Variants in PACRG observed in about 807,000 individuals in gnomAD.
PACRG encodes parkin coregulated.
In PACRG, 29 loss-of-function variants were observed where a neutral mutation model predicts 29.7. That is an observed-to-expected ratio of 0.98 (90% CI 0.73 to 1.33). The LOEUF (loss-of-function observed/expected upper bound fraction) is 1.33. Among genes scored for constraint, PACRG ranks in the 40% most tolerant of loss-of-function variants. The pLI, the probability that PACRG is intolerant of heterozygous loss-of-function variation, is 0.00. For synonymous variants in PACRG, 116 were observed against 118.7 expected, an observed-to-expected ratio of 0.98 and a Z score of 0.15; for missense variants, 279 against 316.2, an observed-to-expected ratio of 0.88 and a Z score of 0.89.
chr6:163,143,863 G>C (rs1164337130), intron 4 of PACRG, among the ~76,000 whole-genome samples: 2 of 152,108 alleles, frequency 1.3e-5, no homozygotes, highest in East Asian at 3.9e-4. Context: ...CCAAGAGGTC[G>C]GTGTGGGAAC....
rs1402277548 is a variant in PACRG at position 162,807,911 on chromosome 6, TCTGA to T, written c.157-6233_157-6230del. Among the ~76,000 whole-genome samples the T allele has an allele frequency of 3.3e-5, 5 of 152,256 alleles. No homozygotes were observed. The East Asian group carries it at 7.7e-4, about 23-fold the overall frequency. ...CGTAACAAATAAGACTCATATCTTTTCTGACTATCATGATCATAATATATTGTTA... is the reference window on the plus strand; with the variant it reads ...CGTAACAAATAAGACTCATATCTTTTCTATCATGATCATAATATATTGTTA... On this transcript the variant is annotated intron_variant, in intron 1 of 4. Coordinates refer to ENST00000366888, the MANE Select transcript of PACRG (RefSeq NM_001080379.2).
chr6:163,280,326 G>C (rs1043954248), intron 4 of PACRG, among the ~76,000 whole-genome samples: 2 of 152,184 alleles, frequency 1.3e-5, no homozygotes, highest in African/African-American at 4.8e-5. Context: ...TGTGGCTCTT[G>C]AGCTGGCCCC....
chr6:163,018,185 A>T (rs1036534520), intron 2 of PACRG, among the ~76,000 whole-genome samples: 9 of 152,136 alleles, frequency 5.9e-5, no homozygotes, highest in Non-Finnish European at 1.2e-4. Context: ...GCATAATGCG[A>T]TCAGCAAACA....
chr6:163,032,221 CA>C (rs1478905055), intron 2 of PACRG, among the ~76,000 whole-genome samples: 24 of 152,174 alleles, frequency 1.6e-4, no homozygotes, highest in African/African-American at 5.8e-4. Flanking sequence ...AACAAAGGAT[CA>C]GCAGCATTTT....
At chr6:163,161,810 A>G (rs933980193) in intron 4 of PACRG, among the ~76,000 whole-genome samples, 3 of 152,188 alleles carry the variant, frequency 2.0e-5, no homozygotes, top group South Asian at 2.1e-4. Flanking sequence ...CCAGCACCCA[A>G]TAGCATTACT....
chr6:162,797,436 A>G (rs188707348), intron 1 of PACRG, among the ~76,000 whole-genome samples: 180 of 152,342 alleles, frequency 1.2e-3, no homozygotes, highest in Non-Finnish European at 1.9e-3. Flanking sequence ...ATTGAACTGG[A>G]AACACGAAGT....
chr6:162,949,814 C>A (rs73607806), intron 2 of PACRG, among the ~76,000 whole-genome samples: 2,075 of 152,194 alleles, frequency 0.014, 49 homozygotes, highest in African/African-American at 0.048. Context: ...CTGAAGAGGG[C>A]TGAACTGGCA....
chr6:163,238,767 A>G (rs967883517), intron 4 of PACRG, among the ~76,000 whole-genome samples: 8 of 152,226 alleles, frequency 5.3e-5, no homozygotes, highest in African/African-American at 1.9e-4. Context: ...TCAGTATTGT[A>G]GAATAGAATG....
chr6:162,774,461 GT>G (rs1326233562), intron 1 of PACRG, among the ~76,000 whole-genome samples: 6 of 152,218 alleles, frequency 3.9e-5, no homozygotes, highest in Non-Finnish European at 8.8e-5. Flanking sequence ...ATGCTACGTA[GT>G]TATGGAATTG....
intron 2 of PACRG, among the ~76,000 whole-genome samples, chr6:162,936,091 G>T (rs1164037592): frequency 6.6e-6 from 1 of 152,164 alleles, no homozygotes; most frequent in African/African-American, 2.4e-5. Flanking sequence ...CTTCTTACAT[G>T]ACAGCTGCAA....
chr6:162,867,901 A>G (rs1412973786), intron 2 of PACRG, among the ~76,000 whole-genome samples: 6 of 152,194 alleles, frequency 3.9e-5, no homozygotes, highest in Non-Finnish European at 8.8e-5. Flanking sequence ...TCTTTTCTCT[A>G]TAACCCATTA....
intron 3 of PACRG, among the ~76,000 whole-genome samples, chr6:163,078,249 C>T (rs1353582307): frequency 6.6e-6 from 1 of 152,108 alleles, no homozygotes; most frequent in East Asian, 1.9e-4. Flanking sequence ...ACCTGTAATC[C>T]CAGCACTCTG....
chr6:163,045,275 T>C (rs935883892), intron 2 of PACRG, among the ~76,000 whole-genome samples: 7 of 152,048 alleles, frequency 4.6e-5, no homozygotes, highest in African/African-American at 7.2e-5. Flanking sequence ...TTCTCACCTG[T>C]AGATAGGGCA....
intron 2 of PACRG, among the ~76,000 whole-genome samples, chr6:162,831,860 A>G (rs1336516320): frequency 6.6e-6 from 1 of 152,224 alleles, no homozygotes; most frequent in Non-Finnish European, 1.5e-5. Flanking sequence ...ATGGCTGCAT[A>G]GTATTCCTTG....
chr6:163,177,217 C>A (rs1481627812), intron 4 of PACRG, among the ~76,000 whole-genome samples: 1 of 152,184 alleles, frequency 6.6e-6, no homozygotes, highest in African/African-American at 2.4e-5. Context: ...TAGAGACAGA[C>A]AGAGATATTT....
chr6:163,117,003 T>A (rs1816033479), intron 4 of PACRG, among the ~76,000 whole-genome samples: 1 of 152,162 alleles, frequency 6.6e-6, no homozygotes, highest in African/African-American at 2.4e-5. Flanking sequence ...GCATCATTTC[T>A]CCACTCCCTG....
intron 4 of PACRG, among the ~76,000 whole-genome samples, chr6:163,186,000 C>T (rs940879603): frequency 6.6e-6 from 1 of 152,198 alleles, no homozygotes; most frequent in African/African-American, 2.4e-5. Flanking sequence ...CCTCCTCTCT[C>T]TGTTTTGGTC....
At chr6:163,204,262 A>G (rs1400088803) in intron 4 of PACRG, among the ~76,000 whole-genome samples, 2 of 152,192 alleles carry the variant, frequency 1.3e-5, no homozygotes, top group African/African-American at 4.8e-5. Context: ...CTCTAGAAGT[A>G]TTTATATATT....
intron 2 of PACRG, among the ~76,000 whole-genome samples, chr6:162,842,132 T>G (rs1789839520): frequency 1.3e-5 from 2 of 150,548 alleles, no homozygotes; most frequent in South Asian, 4.3e-4. Flanking sequence ...CAGAGCTGAG[T>G]TCAATTCCTG....
Sources: allele counts gnomAD v4.1 joint callset (sites outside exome capture counted in the v4.1 genomes callset), GRCh38; gene constraint gnomAD v4.1.1; transcripts MANE v1.5; gene names NCBI Gene and HGNC (gene_info 2026-07-23, HGNC 2026-07-21).